The following ANKRD55 variants were observed in gnomAD, a reference collection of about 807,000 sequenced individuals.
ANKRD55 encodes the protein ankyrin repeat domain 55.
A neutral mutation model predicts 60.6 loss-of-function variants in ANKRD55; 41 were observed. The ratio of observed to expected loss-of-function variants is 0.68; its 90% CI spans 0.53 to 0.88. The LOEUF (loss-of-function observed/expected upper bound fraction) is 0.88. Ranked by LOEUF, ANKRD55 falls within the 40% of genes least tolerant of loss-of-function variation. The probability of loss-of-function intolerance (pLI) is 0.00; values close to 1 mark genes in which losing one functional copy is unlikely to be tolerated. For synonymous variants in ANKRD55, 264 were observed against 290.3 expected (o/e 0.91, Z 0.92); for missense variants, 732 against 767.6 (o/e 0.95, Z 0.55).
intron 6 of ANKRD55, among the ~76,000 whole-genome samples, chr5:56,151,380 C>A (rs1285151404): frequency 6.6e-6 from 1 of 152,092 alleles, no homozygotes; most frequent in Non-Finnish European, 1.5e-5. Flanking sequence ...AAATAACAGT[C>A]ACCTGGAGTC....
intron 2 of ANKRD55, among the ~76,000 whole-genome samples, chr5:56,214,977 A>G (rs1430357129): frequency 6.6e-6 from 1 of 152,232 alleles, no homozygotes; most frequent in East Asian, 1.9e-4. Flanking sequence ...TTAAAATAGC[A>G]GACTGTGTGC....
At chr5:56,198,954 C>T (rs1759292743) in intron 2 of ANKRD55, among the ~76,000 whole-genome samples, 2 of 152,016 alleles carry the variant, frequency 1.3e-5, no homozygotes, top group African/African-American at 2.4e-5. Flanking sequence ...GTGGCGGGCG[C>T]CTGTAGTCCC....
intron 3 of ANKRD55, among the ~76,000 whole-genome samples, chr5:56,181,599 T>C (rs980766158): frequency 4.6e-5 from 7 of 152,178 alleles, no homozygotes; most frequent in Non-Finnish European, 1.0e-4. Context: ...ATTCTTTTTG[T>C]TTTTGTTTTG....
intron 6 of ANKRD55, among the ~76,000 whole-genome samples, chr5:56,146,431 C>A (rs1168268953): frequency 6.6e-6 from 1 of 151,890 alleles, no homozygotes; most frequent in Non-Finnish European, 1.5e-5. Flanking sequence ...ATTACAGGTG[C>A]CCGCCACCAC....
chr5:56,165,571 T>C (rs1416301075), intron 5 of ANKRD55, among the ~76,000 whole-genome samples: 3 of 152,208 alleles, frequency 2.0e-5, no homozygotes, highest in African/African-American at 7.2e-5. Context: ...GTTCAGCGTT[T>C]CCACACATTT....
chr5:56,187,893 G>A (rs886455499), intron 2 of ANKRD55, among the ~76,000 whole-genome samples: 1 of 152,022 alleles, frequency 6.6e-6, no homozygotes, highest in Admixed American at 6.6e-5. Context: ...CACCATCTTC[G>A]GAGCTCTAAG....
chr5:56,106,542 G>A (rs953008564), intron 10 of ANKRD55, among the ~76,000 whole-genome samples: 1 of 149,776 alleles, frequency 6.7e-6, no homozygotes, highest in African/African-American at 2.5e-5. Flanking sequence ...TCCCACCTCA[G>A]CCTCCACAGT....
chr5:56,145,714 G>C (rs1757879327), intron 6 of ANKRD55, among the ~76,000 whole-genome samples: 1 of 152,168 alleles, frequency 6.6e-6, no homozygotes, highest in African/African-American at 2.4e-5. Context: ...AGGTTTGTGG[G>C]ACACTAGAAT....
intron 5 of ANKRD55, chr5:56,162,182 T>TG: frequency 3.8e-6 from 1 of 261,222 alleles, no homozygotes; most frequent in Non-Finnish European, 6.0e-6. Flanking sequence ...AGACAGGATC[T>TG]TCTGGGGCTC....
chr5:56,188,597 T>C (rs1178478124), intron 2 of ANKRD55, among the ~76,000 whole-genome samples: 1 of 152,218 alleles, frequency 6.6e-6, no homozygotes, highest in Non-Finnish European at 1.5e-5. Flanking sequence ...ATGTATGTCT[T>C]GGTGCCTTTG....
intron 2 of ANKRD55, among the ~76,000 whole-genome samples, chr5:56,208,207 A>C (rs160013): frequency 0.37 from 55,721 of 151,742 alleles, 12,294 homozygotes; most frequent in African/African-American, 0.62. Flanking sequence ...GTAACATGCA[A>C]AAAACTGTCA....
intron 10 of ANKRD55, among the ~76,000 whole-genome samples, chr5:56,103,724 C>CA (rs1756361535): frequency 1.3e-5 from 2 of 151,900 alleles, no homozygotes; most frequent in Non-Finnish European, 2.9e-5. Flanking sequence ...AAGACCTTAA[C>CA]AAAAAAAGAT....
chr5:56,164,637 A>T (rs1758408921), intron 5 of ANKRD55, among the ~76,000 whole-genome samples: 1 of 152,180 alleles, frequency 6.6e-6, no homozygotes, highest in South Asian at 2.1e-4. Context: ...TAGCATGTGC[A>T]GCGTTGTACA....
At chr5:56,116,573 G>C (rs1302738866) in intron 9 of ANKRD55, 42 bp downstream of exon 9, 1 of 1,412,738 alleles carries the variant, frequency 7.1e-7, no homozygotes, top group East Asian at 2.7e-5. Context: ...TTTATAAATA[G>C]TTGAGAAGAA....
At chr5:56,178,103 G>A (rs1220596570) in intron 3 of ANKRD55, among the ~76,000 whole-genome samples, 2 of 151,976 alleles carry the variant, frequency 1.3e-5, no homozygotes, top group East Asian at 1.9e-4. Context: ...CTGAATCCTC[G>A]GTACCAACCA....
At chr5:56,108,289 C>T (rs541097254) in intron 10 of ANKRD55, 7 of 152,248 alleles carry the variant, frequency 4.6e-5, no homozygotes, top group Admixed American at 2.0e-4. Context: ...GTCTTTGGAA[C>T]GGAAAAAGAA....
chr5:56,196,834 T>C (rs1190181090), intron 2 of ANKRD55, among the ~76,000 whole-genome samples: 1 of 152,126 alleles, frequency 6.6e-6, no homozygotes, highest in Non-Finnish European at 1.5e-5. Context: ...CAAGAGTATA[T>C]GCATTCTTAC....
In ANKRD55 at chr5:56,220,562, T is replaced by C. The variant is rs575261183; in HGVS notation, c.58+12294A>G. 9.3e-4 allele frequency among the ~76,000 whole-genome samples: 141 copies of C among 152,230 alleles called. 3 individuals are homozygous for C. The Middle Eastern group carries it at 0.027, about 29-fold the overall frequency. The stretch of plus-strand genomic sequence containing the variant: ...GGGCACAGTGGCTCACGCCTGTACT[T>C]CCAGCACTTTGGGAGGCCGAGGAAG... On this transcript the variant is annotated intron_variant, in intron 2 of 11. Coordinates refer to ENST00000341048, the MANE Select transcript of ANKRD55 (RefSeq NM_024669.3).
chr5:56,204,933 C>T (rs773315131), intron 2 of ANKRD55, among the ~76,000 whole-genome samples: 1 of 152,220 alleles, frequency 6.6e-6, no homozygotes, highest in Non-Finnish European at 1.5e-5. Flanking sequence ...TTTTAACTGC[C>T]AACTCTGGAA....
Sources: allele counts gnomAD v4.1 joint callset (sites outside exome capture counted in the v4.1 genomes callset), GRCh38; gene constraint gnomAD v4.1.1; transcripts MANE v1.5; gene names NCBI Gene and HGNC (gene_info 2026-07-23, HGNC 2026-07-21).